The following ERI3 variants were observed in gnomAD, a reference collection of about 807,000 sequenced individuals.
ERI3 encodes ERI1 exoribonuclease family member 3.
A neutral mutation model predicts 44.4 loss-of-function variants in ERI3; 18 were observed. The observed-to-expected ratio is 0.41, with a 90% CI of 0.28 to 0.60. The LOEUF (loss-of-function observed/expected upper bound fraction) is 0.60. Ranked by LOEUF, ERI3 falls within the 20% of genes least tolerant of loss-of-function variation. The pLI, the probability that ERI3 is intolerant of heterozygous loss-of-function variation, is 0.36. For missense variants in ERI3, 294 were observed against 435.5 expected (o/e 0.68, Z 2.89); for synonymous variants, 183 against 164.8 (o/e 1.11, Z -0.84).
At chr1:44,320,298 G>A (rs1004053436) in intron 3 of ERI3, among the ~76,000 whole-genome samples, 44 of 152,334 alleles carry the variant, frequency 2.9e-4, no homozygotes, top group African/African-American at 9.9e-4. Context: ...ATAGGAGCTA[G>A]CGCCTCCCAC....
At chr1:44,274,519 C>CTACA (rs1180138461) in intron 7 of ERI3, among the ~76,000 whole-genome samples, 1 of 152,230 alleles carries the variant, frequency 6.6e-6, no homozygotes, top group Non-Finnish European at 1.5e-5. Flanking sequence ...AGGCTAGGCA[C>CTACA]TACACCATGG....
At chr1:44,306,045 G>A (rs189974296) in intron 6 of ERI3, among the ~76,000 whole-genome samples, 5 of 152,316 alleles carry the variant, frequency 3.3e-5, no homozygotes, top group East Asian at 3.9e-4. Context: ...GCGCTGTCAC[G>A]CAGCACTACT....
At chr1:44,310,963 G>GCGCGCGCGCGCACACACA (rs1373873768) in intron 5 of ERI3, among the ~76,000 whole-genome samples, 2 of 123,200 alleles carry the variant, frequency 1.6e-5, no homozygotes, top group Non-Finnish European at 3.4e-5. Context: ...GCGCGCGCGC[G>GCGCGCGCGCGCACACACA]CACACACACA....
At chr1:44,238,575 C>T (rs1440092793) in intron 8 of ERI3, among the ~76,000 whole-genome samples, 3 of 152,156 alleles carry the variant, frequency 2.0e-5, no homozygotes, top group African/African-American at 7.2e-5. Context: ...CCACCGGAGT[C>T]AGCTTCTCCC....
chr1:44,268,755 G>A (rs1007774612), intron 7 of ERI3, among the ~76,000 whole-genome samples: 3 of 152,196 alleles, frequency 2.0e-5, no homozygotes, highest in African/African-American at 7.2e-5. Context: ...CTTGGTGTCT[G>A]CCAAGACAAC....
At chr1:44,349,420 C>T (rs1646847984) in intron 2 of ERI3, among the ~76,000 whole-genome samples, 1 of 152,104 alleles carries the variant, frequency 6.6e-6, no homozygotes, top group Admixed American at 6.5e-5. Context: ...CTTGACCTCC[C>T]AAAGTGTTGG....
chr1:44,265,253 C>T (rs2154320686), intron 7 of ERI3, among the ~76,000 whole-genome samples: 1 of 152,332 alleles, frequency 6.6e-6, no homozygotes, highest in African/African-American at 2.4e-5. Flanking sequence ...TGGTGAAGGA[C>T]TTAACTAGAG....
chr1:44,225,374 T>C (rs922237402), intron 8 of ERI3, among the ~76,000 whole-genome samples: 6 of 152,166 alleles, frequency 3.9e-5, no homozygotes, highest in Non-Finnish European at 4.4e-5. Flanking sequence ...CCAATTCTTG[T>C]ACCTCGGCCT....
intron 6 of ERI3, among the ~76,000 whole-genome samples, chr1:44,298,381 G>C (rs1233441765): frequency 2.0e-5 from 3 of 152,154 alleles, no homozygotes; most frequent in Non-Finnish European, 4.4e-5. Flanking sequence ...GAAAGGGTGA[G>C]GGGGATTGGG....
intron 8 of ERI3, among the ~76,000 whole-genome samples, chr1:44,238,547 G>A (rs528865399): frequency 6.6e-5 from 10 of 152,186 alleles, no homozygotes; most frequent in African/African-American, 2.2e-4. Context: ...TCATCGTTGC[G>A]GAGATCACAA....
At chr1:44,276,608 C>T (rs1375781897) in intron 7 of ERI3, among the ~76,000 whole-genome samples, 1 of 152,184 alleles carries the variant, frequency 6.6e-6, no homozygotes, top group African/African-American at 2.4e-5. Flanking sequence ...AATTCAGACA[C>T]CTATTCTCTA....
At position 44,319,612 on chromosome 1, in the gene ERI3, C is replaced by A; in HGVS notation, c.606+16G>T. ...CCCTCCCAGCAGCCCCTGCTGCCCACTTCCAGGGCCCTTACCTCTGTACAG... is the reference window on the plus strand; with the variant it reads ...CCCTCCCAGCAGCCCCTGCTGCCCAATTCCAGGGCCCTTACCTCTGTACAG... On this transcript the variant is annotated intron_variant, in intron 4 of 8. Transcript: ENST00000372257. 1 of 1,591,836 alleles carries A rather than the reference C, an allele frequency of 6.3e-7. No homozygotes were observed. Among genetic ancestry groups the A allele is most frequent in the South Asian group, 1.1e-5 (1 of 89,890 alleles).
At chr1:44,291,447 A>G (rs1286907002) in intron 6 of ERI3, among the ~76,000 whole-genome samples, 1 of 152,228 alleles carries the variant, frequency 6.6e-6, no homozygotes, top group African/African-American at 2.4e-5. Context: ...CTCAAAGGCC[A>G]TTGCAGGTTT....
chr1:44,292,607 G>A (rs1483740080), intron 6 of ERI3, among the ~76,000 whole-genome samples: 1 of 152,184 alleles, frequency 6.6e-6, no homozygotes, highest in Non-Finnish European at 1.5e-5. Context: ...GGCACTCAGA[G>A]ACTCAGCTGC....
intron 7 of ERI3, among the ~76,000 whole-genome samples, chr1:44,273,888 G>C (rs989081591): frequency 3.3e-5 from 5 of 152,188 alleles, no homozygotes; most frequent in African/African-American, 1.2e-4. Flanking sequence ...AAAACAACAA[G>C]TTTGATATGG....
At chr1:44,244,052 A>G (rs1357043428) in intron 8 of ERI3, 32 of 152,210 alleles carry the variant, frequency 2.1e-4, no homozygotes, top group Admixed American at 2.1e-3. Flanking sequence ...TGAAAACTAA[A>G]TTAGTTAACA....
At chr1:44,283,480 G>C (rs942166565) in intron 7 of ERI3, among the ~76,000 whole-genome samples, 6 of 152,214 alleles carry the variant, frequency 3.9e-5, no homozygotes, top group African/African-American at 1.2e-4. Context: ...ATCTTCCAGG[G>C]CAGGGAATAT....
chr1:44,233,443 G>C (rs972321405), intron 8 of ERI3, among the ~76,000 whole-genome samples: 1 of 147,470 alleles, frequency 6.8e-6, no homozygotes, highest in East Asian at 2.0e-4. Context: ...TCACTCTGTC[G>C]TCCAGGCTGG....
intron 6 of ERI3, 74 bp downstream of exon 6, chr1:44,308,236 T>G: frequency 9.6e-7 from 1 of 1,045,138 alleles, no homozygotes; most frequent in Non-Finnish European, 1.5e-6. Flanking sequence ...TGTAGACATT[T>G]AAGCCTCCAA....
Sources: gnomAD v4.1 joint callset for allele counts (sites outside exome capture counted in the v4.1 genomes callset) on GRCh38, gnomAD v4.1.1 for gene constraint, MANE v1.5 for transcripts, NCBI Gene and HGNC (gene_info 2026-07-23, HGNC 2026-07-21) for gene names.